Variants in IDI2 observed in about 807,000 individuals in gnomAD.
IDI2 encodes the protein isopentenyl-diphosphate delta isomerase 2.
A neutral mutation model predicts 14.8 loss-of-function variants in IDI2; 18 were observed. That is an observed-to-expected ratio of 1.22 (90% confidence interval 0.84 to 1.80). The LOEUF is 1.80. Among genes scored for constraint, IDI2 ranks in the 40% most tolerant of loss-of-function variants. The pLI is 0.00. For missense variants in IDI2, 316 were observed against 283.2 expected (o/e 1.12, Z -0.83); for synonymous variants, 133 against 109.6 (o/e 1.21, Z -1.33).
chr10:1,020,969 GC>G, intron 3 of IDI2, 72 bp from the exon 4 acceptor site: 1 of 1,494,878 alleles, frequency 6.7e-7, no homozygotes, highest in South Asian at 1.3e-5. Flanking sequence ...AAATGCAGAT[GC>G]TTCATGTAAA....
At chr10:1,021,297 T>A (rs1832094949) in intron 3 of IDI2, among the ~76,000 whole-genome samples, 1 of 152,238 alleles carries the variant, frequency 6.6e-6, no homozygotes, top group Non-Finnish European at 1.5e-5. Context: ...CTGCACCAGC[T>A]GGGCTGAGGA....
intron 4 of IDI2, 83 bp from the exon 5 acceptor site, chr10:1,019,917 T>G (rs1832061949): frequency 9.6e-7 from 1 of 1,037,514 alleles, no homozygotes; most frequent in South Asian, 1.5e-5. Flanking sequence ...TAAACACATT[T>G]GTTTTCCTCA....
chr10:1,022,212 TGG>T (rs1832120075), intron 3 of IDI2, among the ~76,000 whole-genome samples: 5 of 150,022 alleles, frequency 3.3e-5, no homozygotes, highest in African/African-American at 1.2e-4. Context: ...TGAGCCGAGA[TGG>T]CGCCACTGCA....
In IDI2 at chr10:1,023,945, AATT is replaced by A. The variant is rs556319792; in HGVS notation, c.142+634_142+636del. 1.3e-4 allele frequency among the ~76,000 whole-genome samples: 20 copies of A among 152,364 alleles called. No individual in the cohort carries two copies. The South Asian group carries it at 2.7e-3, about 21-fold the overall frequency. On this transcript the variant is annotated intron_variant, in intron 2 of 4. Transcript: ENST00000277517. ...TCACATGTACCCCATTAATATGCAT[AATT>A]ATTATGTGTTTATAAAAAAGACACA...
chr10:1,023,248 G>A (rs1292269964), intron 2 of IDI2, among the ~76,000 whole-genome samples: 3 of 152,128 alleles, frequency 2.0e-5, no homozygotes, highest in Non-Finnish European at 4.4e-5. Context: ...GGCTGAAGTG[G>A]GCGGATCACG....
chr10:1,021,390 T>G (rs765482418), intron 3 of IDI2, among the ~76,000 whole-genome samples: 1 of 152,246 alleles, frequency 6.6e-6, no homozygotes, highest in Non-Finnish European at 1.5e-5. Context: ...CAAGTTTCCT[T>G]ACTGAGAGGT....
intron 2 of IDI2, 30 bp from the exon 3 acceptor site, chr10:1,022,805 G>A (rs1044936540): frequency 9.4e-6 from 14 of 1,490,964 alleles, no homozygotes; most frequent in African/African-American, 4.1e-5. Context: ...TTGTGTGAGT[G>A]CATGCCTGGA....
chr10:1,022,744 C>T lies in IDI2; in HGVS notation c.174G>A (p.Leu58=). The change falls in exon 3 of 5, where the codon TTG becomes TTA. Residue 58 remains leucine, a synonymous_variant. Coordinates refer to ENST00000277517, the MANE Select transcript of IDI2 (RefSeq NM_033261.3). The part of the protein sequence containing the change: ...GLLHRAFSVV[L]FNTKNRILIQ... Reference sequence around the variant, plus strand: ...TCAGGATTCGATTCTTGGTGTTAAACAAGACAACGCTGAAGGCTCGGTGCA... The same window carrying T: ...TCAGGATTCGATTCTTGGTGTTAAATAAGACAACGCTGAAGGCTCGGTGCA... The T allele has an allele frequency of 6.2e-7, 1 of 1,614,148 alleles. No individual in the cohort carries two copies. Among genetic ancestry groups the T allele is most frequent in the Non-Finnish European group, 8.5e-7 (1 of 1,180,008 alleles).
chr10:1,021,828 A>G (rs113848051), intron 3 of IDI2, among the ~76,000 whole-genome samples: 12 of 152,302 alleles, frequency 7.9e-5, no homozygotes, highest in African/African-American at 2.6e-4. Context: ...CTAAGGGAGG[A>G]GAAAACCTCG....
At chr10:1,020,687 CAG>C in intron 4 of IDI2, 78 bp downstream of exon 4, 1 of 1,216,222 alleles carries the variant, frequency 8.2e-7, no homozygotes, top group Non-Finnish European at 1.1e-6. Context: ...GGTGTAGATC[CAG>C]CCTGGACTTT....
intron 3 of IDI2, among the ~76,000 whole-genome samples, chr10:1,022,273 A>T (rs1010580218): frequency 2.0e-5 from 3 of 151,956 alleles, no homozygotes; most frequent in African/African-American, 7.3e-5. Context: ...AAAAAAAAAA[A>T]ATTTTAAGTT....
chr10:1,024,866 T>C, intron 1 of IDI2, 122 bp from the exon 2 acceptor site: 1 of 867,280 alleles, frequency 1.2e-6, no homozygotes, highest in East Asian at 2.4e-5. Context: ...AGCAATTGTG[T>C]TGAAGCAGCA....
At chr10:1,020,670 G>A (rs1736411029) in intron 4 of IDI2, 97 bp downstream of exon 4, 1 of 1,262,762 alleles carries the variant, frequency 7.9e-7, no homozygotes, top group South Asian at 1.5e-5. Flanking sequence ...TGCTTCATGA[G>A]GTCAATGGTG....
rs368911024 is a variant in IDI2 at position 1,019,500 on chromosome 10, C to G, written c.*17G>C. 4.4e-6 allele frequency: 7 copies of G among 1,598,434 alleles called. No individual in the cohort carries two copies. The highest frequency in any genetic ancestry group is 6.0e-6 in the Non-Finnish European group (7 of 1,170,388). ...CACTGAGGGCATTACACATGGCTGA[C>G]TCGACCTCCCTGCCTCTCACACTCT... On this transcript the variant is annotated 3_prime_UTR_variant, in exon 5 of 5. Coordinates refer to ENST00000277517, the MANE Select transcript of IDI2 (RefSeq NM_033261.3).
In IDI2 at chr10:1,024,577, G is replaced by A; in HGVS notation, c.142+5C>T. The A allele has an allele frequency of 1.9e-6, 3 of 1,613,886 alleles. No individual in the cohort carries two copies. The highest frequency in any genetic ancestry group is 1.7e-5 in the Admixed American group (1 of 59,994). On this transcript the variant is annotated splice_donor_5th_base_variant and intron_variant, in intron 2 of 4. Transcript: ENST00000277517. ...AACTGGACAGAGAAAATGGGCGGGG[G>A]CTACCTTTCTCAATGTTTTCGTTCA...
chr10:1,023,199 G>A lies in IDI2; in HGVS notation c.143-424C>T, dbSNP rs111633633. Among the ~76,000 whole-genome samples, 772 of 152,264 alleles carry A rather than the reference G, an allele frequency of 5.1e-3. 9 individuals are homozygous for A. The highest frequency in any genetic ancestry group is 0.017 in the African/African-American group (696 of 41,540). On this transcript the variant is annotated intron_variant, in intron 2 of 4. Coordinates refer to ENST00000277517, the MANE Select transcript of IDI2 (RefSeq NM_033261.3). The stretch of plus-strand genomic sequence containing the variant: ...ACAAAAGAAGAATGAAATCGGGCCG[G>A]GTGCGGTGGCTCACGCCTGTAATCT...
chr10:1,024,554 C>A (rs1294209226), intron 2 of IDI2, 28 bp downstream of exon 2: 2 of 1,612,700 alleles, frequency 1.2e-6, no homozygotes, highest in African/African-American at 1.3e-5. Context: ...ACCCTGGGAA[C>A]TGGACAGAGA....
chr10:1,020,260 G>A (rs572616843), intron 4 of IDI2, among the ~76,000 whole-genome samples: 6 of 148,750 alleles, frequency 4.0e-5, no homozygotes, highest in African/African-American at 1.2e-4. Context: ...GTCTCGCTCT[G>A]TCGCCAGGCT....
intron 1 of IDI2, among the ~76,000 whole-genome samples, chr10:1,025,051 C>CAA: frequency 7.3e-6 from 1 of 137,880 alleles, no homozygotes. Flanking sequence ...CACACACACA[C>CAA]AAAACACACC....
Sources: allele counts gnomAD v4.1 joint callset (sites outside exome capture counted in the v4.1 genomes callset), GRCh38; gene constraint gnomAD v4.1.1; transcripts MANE v1.5; gene names NCBI Gene and HGNC (gene_info 2026-07-23, HGNC 2026-07-21).